The following IP6K1 variants were observed in gnomAD, a reference collection of about 807,000 sequenced individuals.
IP6K1 encodes ATP:1D-myo-inositol-hexakisphosphate phosphotransferase.
Under a neutral mutation model 38.3 loss-of-function variants are expected in IP6K1, and 13 were observed. The observed-to-expected ratio is 0.34, with a 90% confidence interval of 0.22 to 0.54. IP6K1 has a LOEUF of 0.54. Ranked by LOEUF, IP6K1 falls within the 20% of genes least tolerant of loss-of-function variation. The pLI is 0.92. For missense variants in IP6K1, 397 were observed against 599.8 expected, an observed-to-expected ratio of 0.66 and a Z score of 3.53; for synonymous variants, 212 against 229.9, an observed-to-expected ratio of 0.92 and a Z score of 0.70.
At chr3:49,768,165 T>C (rs1257817965) in intron 1 of IP6K1, among the ~76,000 whole-genome samples, 1 of 152,192 alleles carries the variant, frequency 6.6e-6, no homozygotes, top group Non-Finnish European at 1.5e-5. Flanking sequence ...AGAATTACCA[T>C]ATGATTCAAC....
intron 2 of IP6K1, among the ~76,000 whole-genome samples, chr3:49,740,159 TATAAAA>T (rs2080653174): frequency 6.8e-6 from 1 of 147,106 alleles, no homozygotes; most frequent in African/African-American, 2.5e-5. Flanking sequence ...CTCTATAAAA[TATAAAA>T]ATAAAAATAA....
In IP6K1 at chr3:49,727,718, G is replaced by C. The variant is rs2080522023; in HGVS notation, c.793-63C>G. ...AAGTCTGAAGAGCTCACAGTGCCCT[G>C]GGCAAACACTGTCTGGAAGGGACTT... On this transcript the variant is annotated intron_variant, in intron 5 of 5. Coordinates refer to ENST00000321599, the MANE Select transcript of IP6K1 (RefSeq NM_153273.4). This position sits in a 1 kb window ranked among gnomAD's most constrained non-coding sequence, Gnocchi z 5.9. The C allele has an allele frequency of 6.6e-7, 1 of 1,524,016 alleles. No homozygotes were observed. Among genetic ancestry groups the C allele is most frequent in the Non-Finnish European group, 8.9e-7 (1 of 1,120,046 alleles). The allele number at this position is 1,524,016 out of a possible 1,614,324, so 94.4% of individuals were successfully genotyped here.
chr3:49,782,913 C>T (rs529486027), intron 1 of IP6K1, among the ~76,000 whole-genome samples: 3 of 145,752 alleles, frequency 2.1e-5, no homozygotes, highest in Non-Finnish European at 4.5e-5. Flanking sequence ...AGTTTGAGAC[C>T]AGCCTGGCCA....
At chr3:49,750,595 G>A (rs2080764259) in intron 1 of IP6K1, among the ~76,000 whole-genome samples, 2 of 152,080 alleles carry the variant, frequency 1.3e-5, no homozygotes, top group South Asian at 4.1e-4. Flanking sequence ...AGCTACTTGG[G>A]AAGCTGAGGC....
At chr3:49,761,760 C>T (rs1264354295) in intron 1 of IP6K1, among the ~76,000 whole-genome samples, 1 of 151,916 alleles carries the variant, frequency 6.6e-6, no homozygotes, top group Non-Finnish European at 1.5e-5. Context: ...TCAAGAGCAC[C>T]CTGGTCAACA....
At chr3:49,757,926 T>C (rs1030802515) in intron 1 of IP6K1, among the ~76,000 whole-genome samples, 11 of 152,150 alleles carry the variant, frequency 7.2e-5, no homozygotes, top group African/African-American at 2.4e-4. Context: ...TAAAATTTCA[T>C]ACATCTAGGA....
At chr3:49,750,611 A>G (rs2080764508) in intron 1 of IP6K1, among the ~76,000 whole-genome samples, 1 of 152,112 alleles carries the variant, frequency 6.6e-6, no homozygotes, top group African/African-American at 2.4e-5. Flanking sequence ...GAGGCACAAG[A>G]ATCACTTGAA....
At chr3:49,737,638 A>G (rs1195178163) in intron 3 of IP6K1, among the ~76,000 whole-genome samples, 1 of 152,248 alleles carries the variant, frequency 6.6e-6, no homozygotes, top group African/African-American at 2.4e-5. Flanking sequence ...GTGACGCAAG[A>G]TGGCACCACT....
chr3:49,752,434 A>T (rs1320351580), intron 1 of IP6K1, among the ~76,000 whole-genome samples: 1 of 150,846 alleles, frequency 6.6e-6, no homozygotes, highest in Non-Finnish European at 1.5e-5. Context: ...GCTTGCAGTG[A>T]GCCGAGATCG....
chr3:49,774,407 C>CAAAAAAAAAAAA (rs777187857), intron 1 of IP6K1, among the ~76,000 whole-genome samples: 1 of 44,284 alleles, frequency 2.3e-5, no homozygotes, highest in African/African-American at 6.8e-5. Context: ...GACTCCATCT[C>CAAAAAAAAAAAA]AAAAAAAAAA....
At chr3:49,771,729 A>C (rs2080961744) in intron 1 of IP6K1, among the ~76,000 whole-genome samples, 1 of 152,246 alleles carries the variant, frequency 6.6e-6, no homozygotes, top group Admixed American at 6.5e-5. Flanking sequence ...TGTCCACACA[A>C]AAAACCTTTG....
intron 3 of IP6K1, among the ~76,000 whole-genome samples, chr3:49,736,082 A>G (rs1350600246): frequency 1.3e-5 from 2 of 151,720 alleles, no homozygotes; most frequent in Admixed American, 6.6e-5. Context: ...ACACCTGGCT[A>G]ATTTTTTGTA....
At chr3:49,746,067 G>T (rs1021900078) in intron 2 of IP6K1, among the ~76,000 whole-genome samples, 1 of 152,130 alleles carries the variant, frequency 6.6e-6, no homozygotes, top group Non-Finnish European at 1.5e-5. Flanking sequence ...TGTTGGTAAG[G>T]ATGTGGAGAA....
At chr3:49,741,927 T>C (rs556188924) in intron 2 of IP6K1, among the ~76,000 whole-genome samples, 5 of 152,288 alleles carry the variant, frequency 3.3e-5, no homozygotes, top group Admixed American at 3.3e-4. Flanking sequence ...GGTTCAGTAT[T>C]TCCTCACACC....
At chr3:49,752,756 C>CT (rs769412230) in intron 1 of IP6K1, among the ~76,000 whole-genome samples, 5,865 of 136,534 alleles carry the variant, frequency 0.043, 371 homozygotes, top group African/African-American at 0.14. Context: ...TGCGCCTAGC[C>CT]TTTTTTTTTT....
rs544286665 is a variant in IP6K1, at chr3:49,724,706, G to C, written c.*2416C>G. 1.3e-5 allele frequency: 2 copies of C among 152,814 alleles called. No individual in the cohort carries two copies. Among genetic ancestry groups the C allele is most frequent in the Admixed American group, 6.5e-5 (1 of 15,302 alleles). 9.5% of individuals were successfully genotyped at this position (152,814 alleles called of 1,614,324 possible). A position where few individuals can be genotyped will look rare whatever the true frequency, so the allele number is the denominator to read the frequency against. ...GAGTGAGCGCGTGAGCAGCGGCTAC[G>C]TAACTAGCACAGGTGCCAGGCCCCT... On this transcript the variant is annotated 3_prime_UTR_variant, in exon 6 of 6. Coordinates refer to ENST00000321599, the MANE Select transcript of IP6K1 (RefSeq NM_153273.4).
chr3:49,759,520 G>A (rs1441394041), intron 1 of IP6K1, among the ~76,000 whole-genome samples: 1 of 152,136 alleles, frequency 6.6e-6, no homozygotes, highest in Non-Finnish European at 1.5e-5. Context: ...TTCTTATATA[G>A]TTAGACATTT....
chr3:49,734,528 C>G (rs1254664522), intron 3 of IP6K1, among the ~76,000 whole-genome samples: 2 of 150,062 alleles, frequency 1.3e-5, no homozygotes, highest in Non-Finnish European at 3.0e-5. Flanking sequence ...TTCAAGCTAA[C>G]ACCAGGGCTG....
chr3:49,733,390 T>C, intron 3 of IP6K1, among the ~76,000 whole-genome samples: 1 of 152,212 alleles, frequency 6.6e-6, no homozygotes, highest in Middle Eastern at 3.4e-3. Flanking sequence ...GATTTATATA[T>C]AACTCAGCAA....
Sources: gnomAD v4.1 joint callset for allele counts (sites outside exome capture counted in the v4.1 genomes callset) on GRCh38, gnomAD v4.1.1 for gene constraint, Gnocchi (gnomAD v3.1) non-coding constraint, MANE v1.5 for transcripts, NCBI Gene and HGNC (gene_info 2026-07-23, HGNC 2026-07-21) for gene names.